Variants in IL19 observed in about 807,000 individuals in gnomAD.
IL19 encodes interleukin-19.
In IL19, 15 loss-of-function variants were observed where a neutral mutation model predicts 19.5. The observed-to-expected ratio is 0.77, with a 90% CI of 0.52 to 1.19. The LOEUF (loss-of-function observed/expected upper bound fraction) is 1.19. Among genes scored for constraint, IL19 ranks in the 50% most tolerant of loss-of-function variants. The pLI, the probability that IL19 is intolerant of heterozygous loss-of-function variation, is 0.00. For missense variants in IL19, 199 were observed against 213.1 expected, an observed-to-expected ratio of 0.93 and a Z score of 0.41; for synonymous variants, 78 against 78.3, an observed-to-expected ratio of 1.00 and a Z score of 0.02.
intron 1 of IL19, among the ~76,000 whole-genome samples, chr1:206,795,674 C>T (rs1459874647): frequency 6.6e-6 from 1 of 152,182 alleles, no homozygotes; most frequent in Admixed American, 6.5e-5. Context: ...CTATGAGCTT[C>T]TTACAGCCTC....
rs756344226 is a variant in IL19 at position 206,772,483 on chromosome 1, C to A, written c.-149+1405C>A. 2.5e-6 allele frequency: 4 copies of A among 1,582,590 alleles called. No homozygotes were observed. The South Asian group carries it at 3.3e-5, about 13-fold the overall frequency. On this transcript the variant is annotated intron_variant, in intron 1 of 6. Coordinates refer to ENST00000659997, the MANE Select transcript of IL19 (RefSeq NM_153758.5). ...TGTGGTTTGGTTTTGCAAGAGCAAG[C>A]CCCTGATGTGTAGACCTTCACCTCT...
chr1:206,808,825 C>T (rs1402606096), intron 2 of IL19, among the ~76,000 whole-genome samples: 3 of 152,112 alleles, frequency 2.0e-5, no homozygotes, highest in Non-Finnish European at 4.4e-5. Context: ...ATAAGGACCC[C>T]TTGTGGTGCA....
intron 2 of IL19, among the ~76,000 whole-genome samples, chr1:206,808,151 C>T (rs1331325364): frequency 2.0e-5 from 3 of 152,042 alleles, no homozygotes; most frequent in Non-Finnish European, 2.9e-5. Context: ...GCCAACATGG[C>T]GAAACCCTGT....
chr1:206,792,246 G>A (rs1283427859), intron 1 of IL19, among the ~76,000 whole-genome samples: 1 of 152,164 alleles, frequency 6.6e-6, no homozygotes. Flanking sequence ...GTGTTCCTGA[G>A]TCAGGGGCAG....
At chr1:206,824,937 G>A (rs1676392598) in intron 2 of IL19, among the ~76,000 whole-genome samples, 1 of 152,118 alleles carries the variant, frequency 6.6e-6, no homozygotes, top group Non-Finnish European at 1.5e-5. Context: ...TGTATTTTTA[G>A]TAGAGATGGG....
chr1:206,779,836 T>A (rs1675090043), intron 1 of IL19, among the ~76,000 whole-genome samples: 1 of 151,510 alleles, frequency 6.6e-6, no homozygotes, highest in African/African-American at 2.4e-5. Context: ...TTTCAAATGA[T>A]CCGCATGCTC....
intron 1 of IL19, among the ~76,000 whole-genome samples, chr1:206,774,928 T>G (rs1229511611): frequency 6.6e-6 from 1 of 152,004 alleles, no homozygotes; most frequent in Non-Finnish European, 1.5e-5. Flanking sequence ...GAGATGTGTG[T>G]GTAAATACAC....
intron 1 of IL19, among the ~76,000 whole-genome samples, chr1:206,795,269 C>G (rs1455361752): frequency 1.3e-5 from 2 of 152,234 alleles, no homozygotes; most frequent in Non-Finnish European, 2.9e-5. Flanking sequence ...CAGCACTTTT[C>G]TAGACCAAGC....
intron 1 of IL19, among the ~76,000 whole-genome samples, chr1:206,795,918 A>AAT (rs764445014): frequency 4.4e-4 from 63 of 143,580 alleles, no homozygotes; most frequent in South Asian, 8.8e-4. Flanking sequence ...AACCAATATA[A>AAT]ATATATATAT....
At chr1:206,772,378 G>T in intron 1 of IL19, 1 of 1,614,166 alleles carries the variant, frequency 6.2e-7, no homozygotes, top group Non-Finnish European at 8.5e-7. Flanking sequence ...CCCTGGCCTG[G>T]GCTGGCCCTC....
intron 1 of IL19, among the ~76,000 whole-genome samples, chr1:206,790,915 C>T (rs1368649516): frequency 1.3e-5 from 2 of 152,186 alleles, no homozygotes; most frequent in African/African-American, 2.4e-5. Context: ...GCACAGATTC[C>T]AGAAAGTTGA....
intron 6 of IL19, 56 bp downstream of exon 6, chr1:206,841,134 T>C: frequency 3.6e-6 from 5 of 1,392,146 alleles, no homozygotes; most frequent in Non-Finnish European, 5.1e-6. Context: ...ATCAGGAGGG[T>C]GCCAGGCCTT....
chr1:206,831,929 G>A (rs1310706406), intron 2 of IL19, among the ~76,000 whole-genome samples: 1 of 152,252 alleles, frequency 6.6e-6, no homozygotes, highest in Non-Finnish European at 1.5e-5. Flanking sequence ...CATATAGCCT[G>A]AGCACAAGGG....
At chr1:206,805,251 T>G (rs887387004) in intron 2 of IL19, among the ~76,000 whole-genome samples, 1 of 152,194 alleles carries the variant, frequency 6.6e-6, no homozygotes. Context: ...GTCCAATAAA[T>G]AGATTTTAGT....
At chr1:206,829,762 T>G (rs1425012953) in intron 2 of IL19, among the ~76,000 whole-genome samples, 1 of 152,142 alleles carries the variant, frequency 6.6e-6, no homozygotes, top group African/African-American at 2.4e-5. Context: ...TATCCCTCCA[T>G]CCCATCACCA....
At chr1:206,827,445 C>G (rs1274439331) in intron 2 of IL19, among the ~76,000 whole-genome samples, 1 of 152,162 alleles carries the variant, frequency 6.6e-6, no homozygotes, top group Non-Finnish European at 1.5e-5. Flanking sequence ...AATCCCAGCA[C>G]TTTGGGAGGT....
Position 206,773,552 on chromosome 1 carries a change from T to C in IL19, c.-149+2474T>C, listed in dbSNP as rs1800896. Among the ~76,000 whole-genome samples, 60,505 of 151,018 alleles carry C rather than the reference T, an allele frequency of 0.4. 12,917 individuals carry two copies. The highest frequency in any genetic ancestry group is 0.49 in the Non-Finnish European group (32,993 of 67,808). ...TCCTCTTACCTATCCCTACTTCCCC[T>C]TCCCAAAGAAGCCTTAGTAGTGTTG... is the stretch of plus-strand genomic sequence containing the variant. On this transcript the variant is annotated intron_variant, in intron 1 of 6. Coordinates refer to ENST00000659997, the MANE Select transcript of IL19 (RefSeq NM_153758.5).
At chr1:206,840,525 G>A in intron 5 of IL19, 1 of 215,576 alleles carries the variant, frequency 4.6e-6, no homozygotes, top group South Asian at 7.9e-5. Flanking sequence ...GAGACTTTGT[G>A]GCAAGTGACT....
rs1430424898 is a variant in IL19 at position 206,810,626 on chromosome 1, T to C, written c.-3+11620T>C. On this transcript the variant is annotated intron_variant, in intron 2 of 6. Transcript: ENST00000659997. ...CATTGAGTTGAATCTCTGATTTTAA[T>C]AGAAATGATGAGACTCCCATATAGC... Among the ~76,000 whole-genome samples the C allele has an allele frequency of 3.3e-5, 5 of 152,218 alleles. No homozygotes were observed. The South Asian group carries it at 8.3e-4, about 25-fold the overall frequency.
Sources: gnomAD v4.1 joint callset for allele counts (sites outside exome capture counted in the v4.1 genomes callset) on GRCh38, gnomAD v4.1.1 for gene constraint, MANE v1.5 for transcripts, NCBI Gene and HGNC (gene_info 2026-07-23, HGNC 2026-07-21) for gene names.